UBE3C: variants seen among roughly 807,000 people sequenced by gnomAD.
UBE3C encodes ubiquitin-protein ligase E3C.
A neutral mutation model predicts 129.4 loss-of-function variants in UBE3C; 42 were observed. That is an observed-to-expected ratio of 0.32 (90% CI 0.25 to 0.42). The LOEUF is 0.42. Among genes scored for constraint, UBE3C ranks in the 10% least tolerant of loss-of-function variants. The pLI is 1.00. For synonymous variants in UBE3C, 510 were observed against 492.4 expected, an observed-to-expected ratio of 1.04 and a Z score of -0.47; for missense variants, 1,049 against 1,319.1, an observed-to-expected ratio of 0.80 and a Z score of 3.17.
chr7:157,164,347 G>A (rs966273784), intron 2 of UBE3C: 7 of 456,392 alleles, frequency 1.5e-5, no homozygotes, highest in East Asian at 7.0e-5. Flanking sequence ...TACATAGATA[G>A]GGTCTTGCTT....
intron 11 of UBE3C, among the ~76,000 whole-genome samples, chr7:157,206,895 G>A (rs1386001495): frequency 6.6e-6 from 1 of 152,166 alleles, no homozygotes; most frequent in Non-Finnish European, 1.5e-5. Context: ...ATAGAGAACT[G>A]GAAACTTTGT....
chr7:157,173,768 A>C (rs1808442273), intron 4 of UBE3C, among the ~76,000 whole-genome samples: 2 of 152,160 alleles, frequency 1.3e-5, no homozygotes, highest in South Asian at 4.1e-4. Flanking sequence ...GACGAACTAC[A>C]TGTCAGATGG....
intron 10 of UBE3C, chr7:157,188,958 A>C: frequency 1.5e-6 from 1 of 680,878 alleles, no homozygotes; most frequent in South Asian, 1.7e-5. Flanking sequence ...GGGTGTACAA[A>C]TGAATGTGGA....
chr7:157,187,381 G>GTTTT (rs10637384), intron 10 of UBE3C, among the ~76,000 whole-genome samples: 6 of 142,930 alleles, frequency 4.2e-5, no homozygotes, highest in African/African-American at 1.3e-4. Context: ...GTTTTATGGG[G>GTTTT]TTTTTTTTTT....
At chr7:157,251,123 A>C (rs1178224186) in intron 19 of UBE3C, among the ~76,000 whole-genome samples, 3 of 152,230 alleles carry the variant, frequency 2.0e-5, no homozygotes, top group Admixed American at 6.5e-5. Context: ...TGAAGCACCT[A>C]ATTTAGAGGG....
Position 157,267,966 on chromosome 7 carries a change from AAAAT to A in UBE3C, c.*214_*217del. The A allele has an allele frequency of 2.2e-6, 1 of 457,014 alleles. No individual in the cohort carries two copies. Among genetic ancestry groups the A allele is most frequent in the Non-Finnish European group, 3.8e-6 (1 of 263,670 alleles). 28.3% of individuals were successfully genotyped at this position (457,014 alleles called of 1,614,324 possible). A position where few individuals can be genotyped will look rare whatever the true frequency, so the allele number is the denominator to read the frequency against. On this transcript the variant is annotated 3_prime_UTR_variant, in exon 23 of 23. Coordinates refer to ENST00000348165, the MANE Select transcript of UBE3C (RefSeq NM_014671.3). ...ATGGACATTGCTTTTCAAATAACTT[AAAAT>A]AACACGTTATGTGCCATGTGGCTAC...
rs187466862 is a variant in UBE3C at position 157,229,647 on chromosome 7, G to A, written c.2234-1433G>A. On this transcript the variant is annotated intron_variant, in intron 17 of 22. Coordinates refer to ENST00000348165, the MANE Select transcript of UBE3C (RefSeq NM_014671.3). ...TTGGGGTTTTTAAATTTTTATTTTA[G>A]AGATGGGGGTCTCACTTTCAGCCAG... 1.7e-4 allele frequency among the ~76,000 whole-genome samples: 25 copies of A among 151,476 alleles called. No individual in the cohort carries two copies. The East Asian group carries it at 4.7e-3, about 29-fold the overall frequency.
chr7:157,180,953 C>T (rs78094926), intron 6 of UBE3C, among the ~76,000 whole-genome samples: 4,857 of 152,230 alleles, frequency 0.032, 120 homozygotes, highest in Non-Finnish European at 0.05. Flanking sequence ...AAGCCCACCC[C>T]GGGGCCCCAG....
chr7:157,167,039 C>T (rs1434827782), intron 2 of UBE3C, among the ~76,000 whole-genome samples: 2 of 152,078 alleles, frequency 1.3e-5, no homozygotes, highest in South Asian at 2.1e-4. Flanking sequence ...AAGTGATTCT[C>T]CTGCCTCAGC....
chr7:157,163,891 G>C, intron 2 of UBE3C, 28 bp downstream of exon 2: 1 of 1,606,464 alleles, frequency 6.2e-7, no homozygotes, highest in Non-Finnish European at 8.5e-7. Context: ...ATACTCTGTA[G>C]ATAAGCATTT....
intron 6 of UBE3C, among the ~76,000 whole-genome samples, chr7:157,179,187 G>C (rs544818594): frequency 2.0e-5 from 3 of 152,000 alleles, no homozygotes; most frequent in Non-Finnish European, 4.4e-5. Context: ...ACCAGGAAGG[G>C]CTCTTACCAC....
In UBE3C at chr7:157,203,064, T is replaced by C. The variant is rs369235276; in HGVS notation, c.1418+1257T>C. ...CATGCAATATGTAGAGCAAAAGATA[T>C]TCATATGTTGTTCAGCCAGGCACAG... On this transcript the variant is annotated intron_variant, in intron 11 of 22. Transcript: ENST00000348165. 3.3e-5 allele frequency among the ~76,000 whole-genome samples: 5 copies of C among 152,244 alleles called. 1 individual carries two copies. The highest frequency in any genetic ancestry group is 7.3e-5 in the Non-Finnish European group (5 of 68,046).
chr7:157,198,630 G>T, intron 10 of UBE3C: 1 of 226,360 alleles, frequency 4.4e-6, no homozygotes, highest in Non-Finnish European at 8.7e-6. Context: ...CACCTCCAAG[G>T]TTCAAGCGAT....
intron 17 of UBE3C, among the ~76,000 whole-genome samples, chr7:157,227,044 G>C (rs1181302618): frequency 6.6e-6 from 1 of 152,144 alleles, no homozygotes; most frequent in Non-Finnish European, 1.5e-5. Flanking sequence ...TCTCCCACTT[G>C]ACCCTGGAGG....
intron 19 of UBE3C, 74 bp from the exon 20 acceptor site, chr7:157,253,880 T>G (rs1796678001): frequency 1.4e-6 from 2 of 1,402,460 alleles, no homozygotes; most frequent in East Asian, 4.7e-5. Context: ...CTTAAAACAT[T>G]TGTTTCTTGC....
intron 10 of UBE3C, among the ~76,000 whole-genome samples, chr7:157,199,118 G>A (rs1369926356): frequency 6.6e-6 from 1 of 152,156 alleles, no homozygotes; most frequent in Non-Finnish European, 1.5e-5. Flanking sequence ...TGATTTCTGG[G>A]TAGATAAGAT....
At chr7:157,197,793 C>T (rs762865776) in intron 10 of UBE3C, 6 of 1,613,126 alleles carry the variant, frequency 3.7e-6, no homozygotes, top group South Asian at 2.2e-5. Flanking sequence ...TTGTATCAAA[C>T]GACTCCCATC....
chr7:157,153,405 C>T (rs1421210358), intron 1 of UBE3C, among the ~76,000 whole-genome samples: 1 of 151,992 alleles, frequency 6.6e-6, no homozygotes, highest in Admixed American at 6.6e-5. Context: ...CTTAGCTGTT[C>T]ATCTTTTCTG....
chr7:157,179,710 T>C (rs2116916087), intron 6 of UBE3C, among the ~76,000 whole-genome samples: 1 of 152,330 alleles, frequency 6.6e-6, no homozygotes, highest in Non-Finnish European at 1.5e-5. Flanking sequence ...GCAGCTGTGC[T>C]TTCCTTCACC....
Sources: allele counts gnomAD v4.1 joint callset (sites outside exome capture counted in the v4.1 genomes callset), GRCh38; gene constraint gnomAD v4.1.1; transcripts MANE v1.5; gene names NCBI Gene and HGNC (gene_info 2026-07-23, HGNC 2026-07-21).